GCG: variants seen among roughly 807,000 people sequenced by gnomAD.
The protein encoded by GCG is pro-glucagon.
In GCG, 11 loss-of-function variants were observed where a neutral mutation model predicts 22.8. The ratio of observed to expected loss-of-function variants is 0.48; its 90% confidence interval spans 0.30 to 0.80. The LOEUF is 0.80. GCG is among the 30% of genes least tolerant of loss of function. The pLI, the probability that GCG is intolerant of heterozygous loss-of-function variation, is 0.06. For missense variants in GCG, 222 were observed against 222.0 expected, an observed-to-expected ratio of 1.00 and a Z score of 0.00; for synonymous variants, 89 against 72.4, an observed-to-expected ratio of 1.23 and a Z score of -1.16.
intron 5 of GCG, 58 bp downstream of exon 5, chr2:162,143,969 T>C (rs1686618069): frequency 6.9e-7 from 1 of 1,452,668 alleles, no homozygotes; most frequent in Non-Finnish European, 9.6e-7. Context: ...TGCAGCAGTA[T>C]GACAATCAGT....
At position 162,145,481 on chromosome 2, in the gene GCG, G is replaced by A. The variant is rs924391754; in HGVS notation, c.392+59C>T. The A allele has an allele frequency of 1.6e-5, 22 of 1,399,696 alleles. 1 individual carries two copies. The South Asian group carries it at 2.1e-4, about 13-fold the overall frequency. 86.7% of individuals were successfully genotyped at this position (1,399,696 alleles called of 1,614,324 possible). A position where few individuals can be genotyped will look rare whatever the true frequency, so the allele number is the denominator to read the frequency against. On this transcript the variant is annotated intron_variant, in intron 4 of 5. Transcript: ENST00000418842. ...AATCCAGATCCATATATAGATAACTGTAGTCTTAAATTTTCTGCATCAAGG... is the reference window on the plus strand; with the variant it reads ...AATCCAGATCCATATATAGATAACTATAGTCTTAAATTTTCTGCATCAAGG...
intron 5 of GCG, chr2:162,143,786 T>G: frequency 1.9e-6 from 1 of 516,754 alleles, no homozygotes; most frequent in Non-Finnish European, 3.4e-6. Context: ...TGTTTCTAGC[T>G]TCTTGACTCT....
intron 5 of GCG, chr2:162,143,799 T>C (rs1436738789): frequency 1.8e-6 from 1 of 553,076 alleles, no homozygotes; most frequent in East Asian, 3.1e-5. Flanking sequence ...TTGACTCTAA[T>C]AGACACTCAG....
intron 2 of GCG, among the ~76,000 whole-genome samples, chr2:162,148,868 A>T (rs1172327448): frequency 6.6e-6 from 1 of 152,096 alleles, no homozygotes; most frequent in African/African-American, 2.4e-5. Context: ...TTCCCCTGTA[A>T]CATGTTTTTC....
intron 1 of GCG, 35 bp from the exon 2 acceptor site, chr2:162,149,222 G>A: frequency 3.4e-6 from 4 of 1,167,112 alleles, no homozygotes; most frequent in Non-Finnish European, 5.1e-6. Flanking sequence ...GGGTGAGGGG[G>A]GCAGGCAAGG....
intron 1 of GCG, among the ~76,000 whole-genome samples, chr2:162,150,977 C>G (rs1364361018): frequency 6.6e-6 from 1 of 151,586 alleles, no homozygotes; most frequent in Non-Finnish European, 1.5e-5. Context: ...CTTTAAAAAT[C>G]TCACTTATTT....
chr2:162,150,229 G>T (rs1326439859), intron 1 of GCG, among the ~76,000 whole-genome samples: 1 of 152,052 alleles, frequency 6.6e-6, no homozygotes, highest in Admixed American at 6.6e-5. Context: ...GAAACCCAAT[G>T]GTGTTTCCTT....
chr2:162,144,158 C>A lies in GCG; in HGVS notation c.405G>T (p.Glu135Asp). ...KGRGRRDFPE[E>D]VAIVEELGRR... is the part of the protein sequence containing the mutation. ...GGCCAAGTTCTTCAACAATGGCGAC[C>A]TCTTCTGGGAAACTAAGAAAATAAG... The change falls in exon 5 of 6, where the codon GAG (glutamate) becomes GAT (aspartate). Residue 135 changes from glutamate to aspartate, a missense_variant. Coordinates refer to ENST00000418842, the MANE Select transcript of GCG (RefSeq NM_002054.5). The A allele has an allele frequency of 6.2e-7, 1 of 1,611,162 alleles. No homozygotes were observed. Among genetic ancestry groups the A allele is most frequent in the East Asian group, 2.2e-5 (1 of 44,852 alleles).
At position 162,147,355 on chromosome 2, in the gene GCG, G is replaced by A. The variant is rs779553372; in HGVS notation, c.252C>T (p.Asn84=). The A allele has an allele frequency of 5.0e-6, 8 of 1,611,458 alleles. No individual in the cohort carries two copies. In the Admixed American group the frequency reaches 8.3e-5, roughly 17 times the overall value. Reference sequence around the variant, plus strand: ...TTGAGCCAGGCTTAGACTCTTACCTGTTCCTCTTGGTATTCATCAACCACT... The same window carrying A: ...TTGAGCCAGGCTTAGACTCTTACCTATTCCTCTTGGTATTCATCAACCACT... ...FVQWLMNTKR[N]RNNIAKRHDE... The change falls in exon 3 of 6, where the codon AAC becomes AAT. Residue 84 remains asparagine (N), a splice_region_variant and synonymous_variant. Transcript: ENST00000418842.
chr2:162,143,355 G>A lies in GCG; in HGVS notation c.*9C>T. ...GATGTTGTGAAGATGATCTTGAATA[G>A]TGATATAGTTATTTCCTAGAGATTA... On this transcript the variant is annotated 3_prime_UTR_variant, in exon 6 of 6. Coordinates refer to ENST00000418842, the MANE Select transcript of GCG (RefSeq NM_002054.5). 2 of 1,233,144 alleles carry A rather than the reference G, an allele frequency of 1.6e-6. No individual in the cohort carries two copies. The highest frequency in any genetic ancestry group is 2.3e-6 in the Non-Finnish European group (2 of 877,028). 76.4% of individuals were successfully genotyped at this position (1,233,144 alleles called of 1,614,324 possible).
chr2:162,147,065 A>C (rs1686706294), intron 3 of GCG, among the ~76,000 whole-genome samples: 1 of 152,126 alleles, frequency 6.6e-6, no homozygotes, highest in Non-Finnish European at 1.5e-5. Context: ...GTAAACTTTC[A>C]CTTTAAGGGA....
chr2:162,145,270 G>A, intron 4 of GCG: 1 of 299,658 alleles, frequency 3.3e-6, no homozygotes, highest in Non-Finnish European at 6.1e-6. Context: ...TACTCTCAGA[G>A]GTGGCCTGGT....
Position 162,144,166 on chromosome 2 carries a change from G to T in GCG, c.397C>A (p.Pro133Thr), listed in dbSNP as rs1368486343. The change falls in exon 5 of 6, where the codon CCA (proline) becomes ACA (threonine). Residue 133 changes from proline (P) to threonine (T), a missense_variant. Transcript: ENST00000418842. ...TCTTCAACAATGGCGACCTCTTCTG[G>T]GAAACTAAGAAAATAAGTGTTAAAA... The part of the protein sequence containing the change: ...LVKGRGRRDF[P>T]EEVAIVEELG... The T allele has an allele frequency of 6.2e-7, 1 of 1,609,460 alleles. No homozygotes were observed. Among genetic ancestry groups the T allele is most frequent in the South Asian group, 1.1e-5 (1 of 90,882 alleles).
At chr2:162,150,125 A>C (rs912683527) in intron 1 of GCG, among the ~76,000 whole-genome samples, 2 of 152,128 alleles carry the variant, frequency 1.3e-5, no homozygotes, top group African/African-American at 4.8e-5. Flanking sequence ...TGGGACCAAC[A>C]TGAATGTGGG....
At chr2:162,149,251 C>T in intron 1 of GCG, 64 bp from the exon 2 acceptor site, 2 of 865,180 alleles carry the variant, frequency 2.3e-6, no homozygotes, top group Non-Finnish European at 3.9e-6. Context: ...ACATGTCAGG[C>T]TAAATTAATT....
At chr2:162,148,996 A>G in intron 2 of GCG, 91 bp downstream of exon 2, 1 of 757,788 alleles carries the variant, frequency 1.3e-6, no homozygotes. Flanking sequence ...TATTTATTCT[A>G]AATTACTGAG....
At chr2:162,145,398 C>A (rs1375191170) in intron 4 of GCG, 142 bp downstream of exon 4, 2 of 719,920 alleles carry the variant, frequency 2.8e-6, no homozygotes, top group Non-Finnish European at 4.3e-6. Flanking sequence ...CTTTTATATA[C>A]TGTTTTTCAT....
In GCG at chr2:162,149,048, C is replaced by A. The variant is rs144980535; in HGVS notation, c.92+39G>T. Reference sequence around the variant, plus strand: ...ATAGTTTTCACAGGCTTTATTCCAACCATATTGATATGTTAGTTCGAGACT... The same window carrying A: ...ATAGTTTTCACAGGCTTTATTCCAAACATATTGATATGTTAGTTCGAGACT... On this transcript the variant is annotated intron_variant, in intron 2 of 5. Transcript: ENST00000418842. 457 of 1,203,260 alleles carry A rather than the reference C, an allele frequency of 3.8e-4. No individual in the cohort carries two copies. In the African/African-American group the frequency reaches 6.0e-3, roughly 16 times the overall value. The allele number at this position is 1,203,260 out of a possible 1,614,324, so 74.5% of individuals were successfully genotyped here.
At chr2:162,148,484 AT>A (rs1304565867) in intron 2 of GCG, among the ~76,000 whole-genome samples, 2 of 152,050 alleles carry the variant, frequency 1.3e-5, no homozygotes, top group Non-Finnish European at 2.9e-5. Flanking sequence ...TTTAACAAAT[AT>A]TTTTAATAAT....
Sources: gnomAD v4.1 joint callset for allele counts (sites outside exome capture counted in the v4.1 genomes callset) on GRCh38, gnomAD v4.1.1 for gene constraint, MANE v1.5 for transcripts, NCBI Gene and HGNC (gene_info 2026-07-23, HGNC 2026-07-21) for gene names.